Variants in GRID1 observed in about 807,000 individuals in gnomAD.
GRID1 encodes the protein glutamate ionotropic receptor delta type subunit 1, also known as glutamate receptor ionotropic, delta-1.
GRID1 carries 28 observed loss-of-function variants against 98.0 expected under a neutral mutation model. The observed-to-expected ratio is 0.29, with a 90% CI of 0.21 to 0.39. The LOEUF (loss-of-function observed/expected upper bound fraction) is 0.39, where lower values mean the gene tolerates loss of function less well. GRID1 is among the 10% of genes least tolerant of loss of function. GRID1 has a pLI of 1.00. For synonymous variants in GRID1, 553 were observed against 538.5 expected, an observed-to-expected ratio of 1.03 and a Z score of -0.37; for missense variants, 1,111 against 1,340.5, an observed-to-expected ratio of 0.83 and a Z score of 2.67.
chr10:86,134,912 C>T (rs1449829509), intron 4 of GRID1, among the ~76,000 whole-genome samples: 1 of 152,202 alleles, frequency 6.6e-6, no homozygotes, highest in African/African-American at 2.4e-5. Context: ...CTGTTCATAC[C>T]TCAGTCCTCC....
intron 4 of GRID1, among the ~76,000 whole-genome samples, chr10:85,958,925 C>T (rs957825970): frequency 6.7e-6 from 1 of 150,208 alleles, no homozygotes; most frequent in Non-Finnish European, 1.5e-5. Flanking sequence ...TCATTGCACT[C>T]CAGCCTGAGC....
chr10:86,030,725 T>G (rs1843174962), intron 4 of GRID1, among the ~76,000 whole-genome samples: 2 of 152,176 alleles, frequency 1.3e-5, no homozygotes, highest in Admixed American at 6.5e-5. Context: ...TTTAGGCAGA[T>G]AGTAAGGGTA....
At chr10:85,603,084 G>A (rs945024973) in intron 15 of GRID1, among the ~76,000 whole-genome samples, 1 of 152,204 alleles carries the variant, frequency 6.6e-6, no homozygotes, top group Non-Finnish European at 1.5e-5. Flanking sequence ...GAGCCCCTAA[G>A]GTGTCCCATG....
At chr10:85,687,264 T>C (rs890390589) in intron 12 of GRID1, among the ~76,000 whole-genome samples, 10 of 152,210 alleles carry the variant, frequency 6.6e-5, no homozygotes, top group Non-Finnish European at 1.3e-4. Context: ...AGTAATGATT[T>C]TATTAAGAAC....
chr10:85,781,320 A>G (rs780284565), intron 8 of GRID1, among the ~76,000 whole-genome samples: 10 of 152,230 alleles, frequency 6.6e-5, no homozygotes, highest in Non-Finnish European at 1.5e-4. Context: ...GGGGAAGAAC[A>G]TTTCCCTTCA....
At chr10:85,899,058 G>C (rs772288420) in intron 5 of GRID1, among the ~76,000 whole-genome samples, 7 of 152,268 alleles carry the variant, frequency 4.6e-5, no homozygotes, top group African/African-American at 1.7e-4. Flanking sequence ...TAGGTGACAG[G>C]AATTTCTCAG....
At chr10:86,350,229 G>T (rs1848444477) in intron 2 of GRID1, among the ~76,000 whole-genome samples, 1 of 152,236 alleles carries the variant, frequency 6.6e-6, no homozygotes, top group South Asian at 2.1e-4. Context: ...GGGTCCTTGG[G>T]GACTTGCAGC....
At chr10:86,239,497 G>T (rs1015898668) in intron 2 of GRID1, among the ~76,000 whole-genome samples, 3 of 152,306 alleles carry the variant, frequency 2.0e-5, no homozygotes, top group African/African-American at 7.2e-5. Flanking sequence ...TGAGACTTGG[G>T]AGGGGCCAAG....
At chr10:86,029,543 T>A (rs1364469159) in intron 4 of GRID1, among the ~76,000 whole-genome samples, 1 of 152,218 alleles carries the variant, frequency 6.6e-6, no homozygotes, top group Non-Finnish European at 1.5e-5. Flanking sequence ...ATGAACAACA[T>A]GTCCCATCAT....
At chr10:85,881,856 A>C (rs548925896) in intron 5 of GRID1, among the ~76,000 whole-genome samples, 2 of 152,280 alleles carry the variant, frequency 1.3e-5, no homozygotes, top group South Asian at 4.1e-4. Context: ...AATGGGAGAA[A>C]ATTTTTGCAA....
chr10:85,606,470 T>C (rs1842665586), intron 15 of GRID1: 1 of 152,234 alleles, frequency 6.6e-6, no homozygotes, highest in African/African-American at 2.4e-5. Context: ...ATTTTGGTTA[T>C]TTAACTGAAT....
At chr10:85,623,842 T>A (rs1219054837) in intron 13 of GRID1, among the ~76,000 whole-genome samples, 1 of 152,198 alleles carries the variant, frequency 6.6e-6, no homozygotes, top group Non-Finnish European at 1.5e-5. Context: ...CTCTTTTCTG[T>A]TGAGGATGTT....
chr10:85,853,351 C>G (rs955767104), intron 8 of GRID1, among the ~76,000 whole-genome samples: 3 of 152,230 alleles, frequency 2.0e-5, no homozygotes, highest in African/African-American at 4.8e-5. Context: ...GCTTATCCAG[C>G]CCCTGCTGAG....
intron 4 of GRID1, among the ~76,000 whole-genome samples, chr10:86,123,170 A>G: frequency 6.6e-6 from 1 of 152,068 alleles, no homozygotes; most frequent in East Asian, 1.9e-4. Context: ...GGTGGGGAGG[A>G]TTGGAGTCTA....
At chr10:86,032,062 C>A (rs921658011) in intron 4 of GRID1, among the ~76,000 whole-genome samples, 1 of 152,220 alleles carries the variant, frequency 6.6e-6, no homozygotes, top group Non-Finnish European at 1.5e-5. Context: ...ATATTTATAT[C>A]TATGTGGTTA....
chr10:86,139,805 A>G (rs1395769740), intron 3 of GRID1, among the ~76,000 whole-genome samples: 1 of 152,220 alleles, frequency 6.6e-6, no homozygotes, highest in Non-Finnish European at 1.5e-5. Context: ...GGGATGGACG[A>G]TTCAACAAGA....
At chr10:86,337,967 C>T (rs746989303) in intron 2 of GRID1, among the ~76,000 whole-genome samples, 7 of 152,164 alleles carry the variant, frequency 4.6e-5, no homozygotes, top group Non-Finnish European at 7.3e-5. Context: ...CTCGGCCTCC[C>T]GAAGTGCTGG....
At chr10:86,197,588 T>C (rs1301291258) in intron 3 of GRID1, among the ~76,000 whole-genome samples, 1 of 151,942 alleles carries the variant, frequency 6.6e-6, no homozygotes, top group African/African-American at 2.4e-5. Flanking sequence ...CAATGGTGTG[T>C]GGTGAGAAGA....
chr10:85,614,127 A>G (rs773880455), intron 14 of GRID1, among the ~76,000 whole-genome samples: 3 of 152,222 alleles, frequency 2.0e-5, no homozygotes, highest in Non-Finnish European at 4.4e-5. Context: ...TGATTTGAGG[A>G]TCTTCTGTGC....
Sources: gnomAD v4.1 joint callset for allele counts (sites outside exome capture counted in the v4.1 genomes callset) on GRCh38, gnomAD v4.1.1 for gene constraint, MANE v1.5 for transcripts, NCBI Gene and HGNC (gene_info 2026-07-23, HGNC 2026-07-21) for gene names.